MIGA1: variants seen among roughly 807,000 people sequenced by gnomAD.
MIGA1 encodes family with sequence similarity 73, member A.
In MIGA1, 58 loss-of-function variants were observed where a neutral mutation model predicts 82.0. That is an observed-to-expected ratio of 0.71 (90% CI 0.57 to 0.88). The LOEUF (loss-of-function observed/expected upper bound fraction) is 0.88, where lower values mean the gene tolerates loss of function less well. Ranked by LOEUF, MIGA1 falls within the 40% of genes least tolerant of loss-of-function variation. The pLI is 0.00. For synonymous variants in MIGA1, 249 were observed against 253.6 expected (o/e 0.98, Z 0.17); for missense variants, 751 against 749.1 (o/e 1.00, Z -0.03).
At chr1:77,835,984 A>G (rs962265217) in intron 7 of MIGA1, among the ~76,000 whole-genome samples, 3 of 152,152 alleles carry the variant, frequency 2.0e-5, no homozygotes, top group African/African-American at 7.2e-5. Flanking sequence ...AAAGAAACGT[A>G]AGAAATTTAA....
intron 8 of MIGA1, chr1:77,847,042 A>G (rs762123111): frequency 2.4e-5 from 17 of 718,334 alleles, no homozygotes; most frequent in Non-Finnish European, 3.8e-5. Context: ...ATTTGACGAC[A>G]CTTATTTATA....
chr1:77,815,023 T>C lies in MIGA1; in HGVS notation c.772-85T>C, dbSNP rs144881102. 2,788 of 942,300 alleles carry C rather than the reference T, an allele frequency of 3.0e-3. 9 individuals are homozygous for C. Among genetic ancestry groups the C allele is most frequent in the Non-Finnish European group, 3.3e-3 (2,298 of 687,472 alleles). 58.4% of individuals were successfully genotyped at this position (942,300 alleles called of 1,614,324 possible). On this transcript the variant is annotated intron_variant, in intron 6 of 15. Coordinates refer to ENST00000370791, the MANE Select transcript of MIGA1 (RefSeq NM_198549.4). Reference sequence around the variant, plus strand: ...GTTTTTTTATATTACTCACTTTCTTTGCCTTTTATTTAAAAGTGGGAAAAA... The same window carrying C: ...GTTTTTTTATATTACTCACTTTCTTCGCCTTTTATTTAAAAGTGGGAAAAA...
In MIGA1 at chr1:77,879,320, AT is replaced by A. The variant is rs1356720520; in HGVS notation, c.*4258del. 6.6e-6 allele frequency: 1 copy of A among 152,142 alleles called. No individual in the cohort carries two copies. Among genetic ancestry groups the A allele is most frequent in the East Asian group, 1.9e-4 (1 of 5,204 alleles). 9.4% of individuals were successfully genotyped at this position (152,142 alleles called of 1,614,324 possible). A position where few individuals can be genotyped will look rare whatever the true frequency, so the allele number is the denominator to read the frequency against. On this transcript the variant is annotated 3_prime_UTR_variant, in exon 16 of 16. Transcript: ENST00000370791. ...TCCCTACTTTGTTCCTAATGAGTATATTATGTTATTGTTTTGTTTAGTTTGT... is the reference window on the plus strand; with the variant it reads ...TCCCTACTTTGTTCCTAATGAGTATATATGTTATTGTTTTGTTTAGTTTGT...
At chr1:77,832,426 C>T (rs571051422) in intron 7 of MIGA1, among the ~76,000 whole-genome samples, 1 of 152,246 alleles carries the variant, frequency 6.6e-6, no homozygotes, top group Non-Finnish European at 1.5e-5. Context: ...TGGAAACAGG[C>T]ATTAAAAAAT....
rs1646898820 is a variant in MIGA1, at chr1:77,876,996, TA to T, written c.*1936del. The T allele has an allele frequency of 6.6e-6, 1 of 152,194 alleles. No homozygotes were observed. Among genetic ancestry groups the T allele is most frequent in the Non-Finnish European group, 1.5e-5 (1 of 68,020 alleles). The allele number at this position is 152,194 out of a possible 1,614,324, so 9.4% of individuals were successfully genotyped here. On this transcript the variant is annotated 3_prime_UTR_variant, in exon 16 of 16. Coordinates refer to ENST00000370791, the MANE Select transcript of MIGA1 (RefSeq NM_198549.4). The stretch of plus-strand genomic sequence containing the variant: ...TAGGAGTGAGTTGCACAAAAGGACC[TA>T]AAATGCATTGTTTTTTGCCTTCTTT...
chr1:77,868,941 T>C (rs918755830), intron 14 of MIGA1, among the ~76,000 whole-genome samples: 1 of 129,672 alleles, frequency 7.7e-6, no homozygotes, highest in Admixed American at 7.2e-5. Context: ...AATTTATTTA[T>C]TTTTTTTTTT....
chr1:77,840,767 G>A (rs1369287846), intron 7 of MIGA1, among the ~76,000 whole-genome samples: 3 of 152,122 alleles, frequency 2.0e-5, no homozygotes, highest in East Asian at 3.9e-4. Flanking sequence ...AGCCAAGGTC[G>A]CGCCATTGCA....
intron 7 of MIGA1, among the ~76,000 whole-genome samples, chr1:77,829,921 T>C (rs1370272439): frequency 5.0e-5 from 7 of 139,270 alleles, no homozygotes; most frequent in Non-Finnish European, 9.3e-5. Flanking sequence ...TCTCTTTCTG[T>C]GTGTCTTTTC....
At chr1:77,845,079 A>C (rs1684785971) in intron 8 of MIGA1, among the ~76,000 whole-genome samples, 1 of 152,184 alleles carries the variant, frequency 6.6e-6, no homozygotes, top group African/African-American at 2.4e-5. Flanking sequence ...CCTGTACCTT[A>C]AACTTTGGAT....
chr1:77,870,968 C>T (rs1685959060), intron 14 of MIGA1, among the ~76,000 whole-genome samples: 2 of 150,326 alleles, frequency 1.3e-5, no homozygotes, highest in Admixed American at 6.6e-5. Context: ...CGCCTGCAGT[C>T]GCAGGCACTC....
intron 8 of MIGA1, chr1:77,847,311 A>G: frequency 1.1e-6 from 1 of 920,130 alleles, no homozygotes; most frequent in Non-Finnish European, 1.8e-6. Flanking sequence ...CCTTGCAGAA[A>G]ATGCTACTGT....
At chr1:77,847,615 G>GA in intron 8 of MIGA1, 1 of 1,543,966 alleles carries the variant, frequency 6.5e-7, no homozygotes, top group Non-Finnish European at 8.9e-7. Context: ...GAAGAAGAAA[G>GA]AAAAAAGAGG....
chr1:77,813,221 A>G (rs1444778361), intron 5 of MIGA1, among the ~76,000 whole-genome samples: 2 of 152,050 alleles, frequency 1.3e-5, no homozygotes, highest in Non-Finnish European at 2.9e-5. Flanking sequence ...ACCTCAGGTG[A>G]TCCACCCACC....
chr1:77,848,179 C>T, intron 8 of MIGA1: 2 of 1,434,304 alleles, frequency 1.4e-6, no homozygotes, highest in South Asian at 1.2e-5. Context: ...CACAGGAGAC[C>T]AGTCATAGAG....
At chr1:77,783,200 C>A in intron 1 of MIGA1, 38 bp from the exon 2 acceptor site, 1 of 1,398,606 alleles carries the variant, frequency 7.1e-7, no homozygotes, top group Non-Finnish European at 9.9e-7. Flanking sequence ...AACCAGAAAT[C>A]TTTGTGGCTA....
At chr1:77,834,136 C>CT (rs1051220084) in intron 7 of MIGA1, among the ~76,000 whole-genome samples, 26 of 151,460 alleles carry the variant, frequency 1.7e-4, no homozygotes, top group Non-Finnish European at 2.5e-4. Flanking sequence ...CTCCTTTTTT[C>CT]TTTTTTTTTA....
At chr1:77,868,110 C>G (rs1328989831) in intron 14 of MIGA1, 1 of 152,182 alleles carries the variant, frequency 6.6e-6, no homozygotes, top group Non-Finnish European at 1.5e-5. Context: ...GCGATGATAT[C>G]AGCAAGCTTA....
At chr1:77,797,208 G>C (rs1682692523) in intron 2 of MIGA1, among the ~76,000 whole-genome samples, 1 of 152,132 alleles carries the variant, frequency 6.6e-6, no homozygotes. Context: ...GGGCATCCAG[G>C]TTGTTTCTGA....
chr1:77,865,032 A>G (rs1685610993), intron 13 of MIGA1, among the ~76,000 whole-genome samples: 2 of 152,300 alleles, frequency 1.3e-5, no homozygotes, highest in South Asian at 4.1e-4. Context: ...TCAATTAAGT[A>G]TGTTTTAATA....
Sources: allele counts gnomAD v4.1 joint callset (sites outside exome capture counted in the v4.1 genomes callset), GRCh38; gene constraint gnomAD v4.1.1; transcripts MANE v1.5; gene names NCBI Gene and HGNC (gene_info 2026-07-23, HGNC 2026-07-21).